The following RASSF5 variants were observed in gnomAD, a reference collection of about 807,000 sequenced individuals.
RASSF5 encodes the protein Ras association domain family member 5, also known as ras association domain-containing protein 5.
A neutral mutation model predicts 40.5 loss-of-function variants in RASSF5; 25 were observed. The ratio of observed to expected loss-of-function variants is 0.62; its 90% CI spans 0.45 to 0.86. The LOEUF (loss-of-function observed/expected upper bound fraction) is 0.86. RASSF5 is among the 40% of genes least tolerant of loss of function. The pLI is 0.00. For missense variants in RASSF5, 521 were observed against 572.8 expected, an observed-to-expected ratio of 0.91 and a Z score of 0.92; for synonymous variants, 246 against 252.4, an observed-to-expected ratio of 0.97 and a Z score of 0.24.
At chr1:206,546,106 T>G in intron 2 of RASSF5, among the ~76,000 whole-genome samples, 1 of 64,178 alleles carries the variant, frequency 1.6e-5, no homozygotes, top group African/African-American at 6.2e-5. Flanking sequence ...TTTTTTTTTT[T>G]TTTTTTTTTT....
intron 1 of RASSF5, among the ~76,000 whole-genome samples, chr1:206,510,381 A>T (rs1019226270): frequency 7.9e-5 from 12 of 152,016 alleles, no homozygotes; most frequent in African/African-American, 2.4e-4. Flanking sequence ...TTCTTTGTTT[A>T]AAAAAAATAG....
rs375223528 is a variant in RASSF5, at chr1:206,579,938, C to T, written c.580-3331C>T. On this transcript the variant is annotated intron_variant, in intron 2 of 5. Coordinates refer to ENST00000579436, the MANE Select transcript of RASSF5 (RefSeq NM_182663.4). This position sits in a 1 kb window ranked among gnomAD's most constrained non-coding sequence, Gnocchi z 4.2. ...AGATATTTTTGTGGGCAGCAGCCAT[C>T]CCAGACCTGGGTGCTGGCATTCCAT... 2.3e-4 allele frequency among the ~76,000 whole-genome samples: 35 copies of T among 152,326 alleles called. No individual in the cohort carries two copies. Among genetic ancestry groups the T allele is most frequent in the African/African-American group, 7.7e-4 (32 of 41,570 alleles).
chr1:206,576,273 G>A (rs1272725041), intron 2 of RASSF5, among the ~76,000 whole-genome samples: 1 of 152,186 alleles, frequency 6.6e-6, no homozygotes, highest in East Asian at 1.9e-4. Context: ...GATCTGTGAC[G>A]ATGGTAATTT....
At chr1:206,567,823 G>A (rs1167706154) in intron 2 of RASSF5, among the ~76,000 whole-genome samples, 2 of 152,168 alleles carry the variant, frequency 1.3e-5, no homozygotes, top group African/African-American at 2.4e-5. Flanking sequence ...GTCAGGGACT[G>A]TCTTAGGTGC....
At chr1:206,545,567 C>G (rs1667662258) in intron 2 of RASSF5, among the ~76,000 whole-genome samples, 1 of 151,706 alleles carries the variant, frequency 6.6e-6, no homozygotes, top group African/African-American at 2.4e-5. Flanking sequence ...GATCTTGAAC[C>G]CCTGGCCTCA....
chr1:206,574,236 A>C (rs908832702), intron 2 of RASSF5, among the ~76,000 whole-genome samples: 16 of 152,128 alleles, frequency 1.1e-4, no homozygotes, highest in African/African-American at 3.9e-4. Context: ...AGTCTGCGGG[A>C]GTGGCCTGAT....
chr1:206,555,824 A>G (rs774434728), intron 2 of RASSF5, among the ~76,000 whole-genome samples: 10 of 152,206 alleles, frequency 6.6e-5, no homozygotes, highest in Non-Finnish European at 1.5e-4. Flanking sequence ...ATTGGGCTGC[A>G]GTTTGAAACC....
intron 2 of RASSF5, among the ~76,000 whole-genome samples, chr1:206,565,326 G>A (rs955324915): frequency 1.3e-4 from 20 of 152,256 alleles, no homozygotes; most frequent in African/African-American, 4.6e-4. Context: ...TTTCCCCTCT[G>A]TGTATCCTGC....
chr1:206,562,710 A>C lies in RASSF5; in HGVS notation c.580-20559A>C, dbSNP rs1668176859. Among the ~76,000 whole-genome samples, 5 of 152,240 alleles carry C rather than the reference A, an allele frequency of 3.3e-5. No homozygotes were observed. The South Asian group carries it at 1.0e-3, about 32-fold the overall frequency. On this transcript the variant is annotated intron_variant, in intron 2 of 5. Coordinates refer to ENST00000579436, the MANE Select transcript of RASSF5 (RefSeq NM_182663.4). ...CACTTTGGGAGGCCGAGACGGGCGG[A>C]TCACGAGGTCAGGAGATCCAGACCA...
At chr1:206,539,440 T>C (rs1553399099) in intron 2 of RASSF5, among the ~76,000 whole-genome samples, 1 of 152,172 alleles carries the variant, frequency 6.6e-6, no homozygotes, top group Non-Finnish European at 1.5e-5. Flanking sequence ...TGGAACACAA[T>C]CAACAGTGTT....
rs1666513106 is a variant in RASSF5 at position 206,508,112 on chromosome 1, A to G, written c.457+53A>G. Reference sequence around the variant, plus strand: ...GCGGGGAGACCGCAGTCTGGGGGCGAAGGACTGGGAGGGCCCTGGGGCAGG... The same window carrying G: ...GCGGGGAGACCGCAGTCTGGGGGCGGAGGACTGGGAGGGCCCTGGGGCAGG... On this transcript the variant is annotated intron_variant, in intron 1 of 5. Transcript: ENST00000579436. 3 of 1,282,650 alleles carry G rather than the reference A, an allele frequency of 2.3e-6. No homozygotes were observed. The East Asian group carries it at 9.3e-5, about 40-fold the overall frequency. The allele number at this position is 1,282,650 out of a possible 1,614,324, so 79.5% of individuals were successfully genotyped here.
chr1:206,562,332 AG>A (rs1553402794), intron 2 of RASSF5, among the ~76,000 whole-genome samples: 2 of 152,250 alleles, frequency 1.3e-5, no homozygotes, highest in Admixed American at 1.3e-4. Flanking sequence ...AGAAAAGAAA[AG>A]ATTACTAAAA....
Position 206,507,716 on chromosome 1 carries a change from C to G in RASSF5, c.114C>G (p.Pro38=), listed in dbSNP as rs782277295. 27 of 1,486,624 alleles carry G rather than the reference C, an allele frequency of 1.8e-5. No homozygotes were observed. The highest frequency in any genetic ancestry group is 1.9e-4 in the Middle Eastern group (1 of 5,210). 92.1% of individuals were successfully genotyped at this position (1,486,624 alleles called of 1,614,324 possible). The change falls in exon 1 of 6, where the codon CCC becomes CCG. Residue 38 remains proline (P), a synonymous_variant. Coordinates refer to ENST00000579436, the MANE Select transcript of RASSF5 (RefSeq NM_182663.4). ...LSGPELPPPP[P]DRSSRLCVPA... is the part of the protein sequence containing the mutation. ...GCCCCGAGCTACCGCCGCCGCCCCC[C>G]GACCGGTCCTCGCGCCTCTGTGTCC...
chr1:206,539,159 C>T (rs1354778437), intron 2 of RASSF5, among the ~76,000 whole-genome samples: 2 of 152,158 alleles, frequency 1.3e-5, no homozygotes, highest in African/African-American at 4.8e-5. Flanking sequence ...AGAATATCAT[C>T]CTTTAATTCA....
chr1:206,510,752 G>A (rs930747260), intron 1 of RASSF5, among the ~76,000 whole-genome samples: 3 of 152,174 alleles, frequency 2.0e-5, no homozygotes, highest in Non-Finnish European at 2.9e-5. Flanking sequence ...TAGGGGCCAC[G>A]AAGCCATTGG....
At chr1:206,546,896 C>T (rs1010122980) in intron 2 of RASSF5, among the ~76,000 whole-genome samples, 3 of 152,138 alleles carry the variant, frequency 2.0e-5, no homozygotes, top group Non-Finnish European at 4.4e-5. Context: ...TAAGTAGGAC[C>T]GTTGTAAGGA....
At chr1:206,537,665 T>A (rs1279464054) in intron 1 of RASSF5, among the ~76,000 whole-genome samples, 4 of 152,188 alleles carry the variant, frequency 2.6e-5, no homozygotes, top group Non-Finnish European at 5.9e-5. Context: ...CCTTAGAGTG[T>A]CATGTCGATG....
At position 206,584,320 on chromosome 1, in the gene RASSF5, C is replaced by G; in HGVS notation, c.691-67C>G. On this transcript the variant is annotated intron_variant, in intron 3 of 5. Coordinates refer to ENST00000579436, the MANE Select transcript of RASSF5 (RefSeq NM_182663.4). This position sits in a 1 kb window ranked among gnomAD's most constrained non-coding sequence, Gnocchi z 4.9. ...GGTGGGTGCTGCTGGGGCAATGGCC[C>G]CGAGTGGCAGATATGATCATGCAAG... 1 of 1,494,844 alleles carries G rather than the reference C, an allele frequency of 6.7e-7. No individual in the cohort carries two copies. Among genetic ancestry groups the G allele is most frequent in the Non-Finnish European group, 9.0e-7 (1 of 1,105,982 alleles). 92.6% of individuals were successfully genotyped at this position (1,494,844 alleles called of 1,614,324 possible).
In RASSF5 at chr1:206,584,187, T is replaced by C. The variant is rs1019547116; in HGVS notation, c.691-200T>C. On this transcript the variant is annotated intron_variant, in intron 3 of 5. Coordinates refer to ENST00000579436, the MANE Select transcript of RASSF5 (RefSeq NM_182663.4). This position sits in a 1 kb window ranked among gnomAD's most constrained non-coding sequence, Gnocchi z 4.9. ...CTGCAGCCCCACAGGTCCTCTTTGG[T>C]AGCTGGATCCTGAGGGTCTTCTCCC... Among the ~76,000 whole-genome samples, 1 of 152,132 alleles carries C rather than the reference T, an allele frequency of 6.6e-6. No homozygotes were observed. The highest frequency in any genetic ancestry group is 1.5e-5 in the Non-Finnish European group (1 of 68,012).
Sources: allele counts gnomAD v4.1 joint callset (sites outside exome capture counted in the v4.1 genomes callset), GRCh38; gene constraint gnomAD v4.1.1; non-coding constraint Gnocchi (gnomAD v3.1); transcripts MANE v1.5; gene names NCBI Gene and HGNC (gene_info 2026-07-23, HGNC 2026-07-21).